The following COL8A1 variants were observed in gnomAD, a reference collection of about 807,000 sequenced individuals.
COL8A1 encodes the protein collagen alpha-1(VIII) chain.
In COL8A1, 21 loss-of-function variants were observed where a neutral mutation model predicts 42.7. The observed-to-expected ratio is 0.49, with a 90% CI of 0.35 to 0.71. The LOEUF (loss-of-function observed/expected upper bound fraction) is 0.71, where lower values mean the gene tolerates loss of function less well. Ranked by LOEUF, COL8A1 falls within the 30% of genes least tolerant of loss-of-function variation. The pLI is 0.01. For missense variants in COL8A1, 788 were observed against 962.4 expected (o/e 0.82, Z 2.40); for synonymous variants, 367 against 369.1 (o/e 0.99, Z 0.06).
intron 1 of COL8A1, among the ~76,000 whole-genome samples, chr3:99,732,720 C>T (rs1246504912): frequency 6.6e-6 from 1 of 152,088 alleles, no homozygotes; most frequent in East Asian, 1.9e-4. Flanking sequence ...TTTCAAAACA[C>T]AATCATGCCT....
At chr3:99,694,715 T>G (rs1576434446) in intron 1 of COL8A1, among the ~76,000 whole-genome samples, 2 of 152,246 alleles carry the variant, frequency 1.3e-5, no homozygotes. Flanking sequence ...CTTTGAGGGA[T>G]TCTTTGTTCT....
At chr3:99,731,890 T>A (rs960604854) in intron 1 of COL8A1, among the ~76,000 whole-genome samples, 1 of 152,158 alleles carries the variant, frequency 6.6e-6, no homozygotes. Flanking sequence ...ACAATTATTA[T>A]GCTTATTATT....
intron 1 of COL8A1, among the ~76,000 whole-genome samples, chr3:99,707,792 A>G (rs775156462): frequency 6.6e-6 from 1 of 152,240 alleles, no homozygotes; most frequent in Non-Finnish European, 1.5e-5. Flanking sequence ...TATATGTTTA[A>G]TAAAATAATA....
chr3:99,741,491 T>C (rs1279815051), intron 1 of COL8A1, among the ~76,000 whole-genome samples: 1 of 152,212 alleles, frequency 6.6e-6, no homozygotes, highest in Non-Finnish European at 1.5e-5. Context: ...AAACATTTTA[T>C]ATTACAATTT....
Position 99,794,240 on chromosome 3 carries a change from A to T in COL8A1, c.339A>T (p.Leu113Phe). The T allele has an allele frequency of 1.9e-6, 3 of 1,577,122 alleles. No individual in the cohort carries two copies. The highest frequency in any genetic ancestry group is 2.6e-6 in the Non-Finnish European group (3 of 1,163,382). Residue 113 changes from leucine to phenylalanine, a missense_variant, in exon 4 of 4, where the codon TTA becomes TTT. Physicochemically the swap from Leu to Phe is conservative, Grantham distance 22. Transcript: ENST00000652472. This position sits in a 1 kb window ranked among gnomAD's most constrained non-coding sequence, Gnocchi z 4.3. ...AVPKKGKEIP[L>F]ASLRGEQGPR... is the part of the protein sequence containing the mutation. Reference sequence around the variant, plus strand: ...TTCTCTTCCCAGTAGAAATACCATTAGCCAGTTTACGAGGGGAACAAGGTC... The same window carrying T: ...TTCTCTTCCCAGTAGAAATACCATTTGCCAGTTTACGAGGGGAACAAGGTC...
intron 1 of COL8A1, among the ~76,000 whole-genome samples, chr3:99,717,688 A>G (rs1291453617): frequency 1.3e-5 from 2 of 151,936 alleles, no homozygotes; most frequent in Non-Finnish European, 1.5e-5. Flanking sequence ...CCAAACCCCA[A>G]TTAGGTATAT....
rs187097173 is a variant in COL8A1, at chr3:99,726,625, C to G, written c.-128-18272C>G. Among the ~76,000 whole-genome samples the G allele has an allele frequency of 2.9e-3, 444 of 152,250 alleles. 4 individuals carry two copies. The highest frequency in any genetic ancestry group is 9.9e-3 in the African/African-American group (412 of 41,532). ...GAAGGGATCCAGTTTCAGCTTTCTA[C>G]CTATGGCTATCCAGTTTTCCCAGCA... On this transcript the variant is annotated intron_variant, in intron 1 of 3. Coordinates refer to ENST00000652472, the MANE Select transcript of COL8A1 (RefSeq NM_020351.4).
chr3:99,774,853 T>C (rs1354853017), intron 2 of COL8A1, among the ~76,000 whole-genome samples: 4 of 152,174 alleles, frequency 2.6e-5, no homozygotes, highest in Non-Finnish European at 4.4e-5. Context: ...AATGAATTAA[T>C]TAATAGGTGA....
At chr3:99,724,162 G>C (rs1427157255) in intron 1 of COL8A1, among the ~76,000 whole-genome samples, 2 of 152,010 alleles carry the variant, frequency 1.3e-5, no homozygotes, top group African/African-American at 2.4e-5. Context: ...TAATCCCATG[G>C]ATTAGCTAAA....
Position 99,798,229 on chromosome 3 carries a change from T to G in COL8A1, c.*2093T>G, listed in dbSNP as rs1433280035. 6.6e-6 allele frequency: 1 copy of G among 152,224 alleles called. No individual in the cohort carries two copies. The highest frequency in any genetic ancestry group is 1.5e-5 in the Non-Finnish European group (1 of 68,040). 9.4% of individuals were successfully genotyped at this position (152,224 alleles called of 1,614,324 possible). On this transcript the variant is annotated 3_prime_UTR_variant, in exon 4 of 4. Coordinates refer to ENST00000652472, the MANE Select transcript of COL8A1 (RefSeq NM_020351.4). ...TTTTTAAGAAGAGAAATTAGTCCATTACCACAGGGGTTCTTGTCACTACTA... is the reference window on the plus strand; with the variant it reads ...TTTTTAAGAAGAGAAATTAGTCCATGACCACAGGGGTTCTTGTCACTACTA...
intron 2 of COL8A1, among the ~76,000 whole-genome samples, chr3:99,755,812 G>A (rs1941242827): frequency 6.6e-6 from 1 of 152,212 alleles, no homozygotes; most frequent in South Asian, 2.1e-4. Context: ...CTAAAGAGCA[G>A]ATGGTGTCAA....
intron 3 of COL8A1, among the ~76,000 whole-genome samples, chr3:99,791,767 G>A (rs1321846749): frequency 1.3e-5 from 2 of 152,136 alleles, no homozygotes; most frequent in African/African-American, 4.8e-5. Context: ...ACAATGGCAG[G>A]AAGCTCCACC....
Position 99,796,583 on chromosome 3 carries a change from C to T in COL8A1, c.*447C>T, listed in dbSNP as rs1335125688. 1 of 153,604 alleles carries T rather than the reference C, an allele frequency of 6.5e-6. No homozygotes were observed. 9.5% of individuals were successfully genotyped at this position (153,604 alleles called of 1,614,324 possible). A position where few individuals can be genotyped will look rare whatever the true frequency, so the allele number is the denominator to read the frequency against. The stretch of plus-strand genomic sequence containing the variant: ...CATACCGTATTTACTTGCTTAATTT[C>T]CTCTGTATTTGTGTAGATACTTTGA... On this transcript the variant is annotated 3_prime_UTR_variant, in exon 4 of 4. Transcript: ENST00000652472.
intron 1 of COL8A1, among the ~76,000 whole-genome samples, chr3:99,716,065 G>A (rs1939985801): frequency 6.6e-6 from 1 of 151,960 alleles, no homozygotes; most frequent in South Asian, 2.1e-4. Context: ...TTTGCAATCA[G>A]CAAACTGATT....
Position 99,726,132 on chromosome 3 carries a change from T to C in COL8A1, c.-128-18765T>C, listed in dbSNP as rs149963074. Among the ~76,000 whole-genome samples the C allele has an allele frequency of 7.6e-3, 1,160 of 152,308 alleles. 9 individuals are homozygous for C. The highest frequency in any genetic ancestry group is 0.014 in the Non-Finnish European group (940 of 68,018). On this transcript the variant is annotated intron_variant, in intron 1 of 3. Transcript: ENST00000652472. ...CTAACTGGTGTGAGATGGTATCTCA[T>C]TGTGGTTTTGATTTGCATTTCTCTG...
intron 2 of COL8A1, among the ~76,000 whole-genome samples, chr3:99,788,928 TCAATAA>T (rs1260699130): frequency 6.6e-6 from 1 of 152,140 alleles, no homozygotes; most frequent in Admixed American, 6.5e-5. Flanking sequence ...CCTTTGCTAC[TCAATAA>T]CAGTTTACAC....
intron 1 of COL8A1, chr3:99,706,949 A>T (rs1353953806): frequency 6.6e-6 from 1 of 152,202 alleles, no homozygotes; most frequent in Non-Finnish European, 1.5e-5. Context: ...TTTTATATAC[A>T]TGTTTTCAAA....
chr3:99,733,642 A>G (rs1940598476), intron 1 of COL8A1, among the ~76,000 whole-genome samples: 1 of 151,988 alleles, frequency 6.6e-6, no homozygotes, highest in Non-Finnish European at 1.5e-5. Context: ...AGCATGATTT[A>G]TAGTCCTTTG....
At chr3:99,706,665 C>T (rs539685530) in intron 1 of COL8A1, among the ~76,000 whole-genome samples, 1 of 152,334 alleles carries the variant, frequency 6.6e-6, no homozygotes, top group African/African-American at 2.4e-5. Flanking sequence ...GCTGCCTTCA[C>T]CATAAAACTT....
Sources: gnomAD v4.1 joint callset for allele counts (sites outside exome capture counted in the v4.1 genomes callset) on GRCh38, gnomAD v4.1.1 for gene constraint, Gnocchi (gnomAD v3.1) non-coding constraint, MANE v1.5 for transcripts, NCBI Gene and HGNC (gene_info 2026-07-23, HGNC 2026-07-21) for gene names.